ANO2: variants seen among roughly 807,000 people sequenced by gnomAD.
The protein encoded by ANO2 is anoctamin-2.
ANO2 carries 101 observed loss-of-function variants against 124.2 expected under a neutral mutation model. The observed-to-expected ratio is 0.81, with a 90% confidence interval of 0.69 to 0.96. The LOEUF is 0.96. Ranked by LOEUF, ANO2 falls within the 40% of genes least tolerant of loss-of-function variation. The probability of loss-of-function intolerance (pLI) is 0.00; values close to 1 mark genes in which losing one functional copy is unlikely to be tolerated. For synonymous variants in ANO2, 486 were observed against 482.5 expected, an observed-to-expected ratio of 1.01 and a Z score of -0.09; for missense variants, 1,293 against 1,274.5, an observed-to-expected ratio of 1.01 and a Z score of -0.22.
intron 3 of ANO2, among the ~76,000 whole-genome samples, chr12:5,879,424 A>G (rs985944403): frequency 6.6e-6 from 1 of 152,246 alleles, no homozygotes; most frequent in African/African-American, 2.4e-5. Context: ...GGAACGGTAT[A>G]GTCATAAGCA....
At chr12:5,759,346 C>T (rs1591581067) in intron 10 of ANO2, among the ~76,000 whole-genome samples, 1 of 152,064 alleles carries the variant, frequency 6.6e-6, no homozygotes, top group African/African-American at 2.4e-5. Flanking sequence ...AGATCAAAGT[C>T]ATTATATAGG....
chr12:5,644,289 C>T (rs914778097), intron 15 of ANO2, among the ~76,000 whole-genome samples: 1 of 152,224 alleles, frequency 6.6e-6, no homozygotes, highest in African/African-American at 2.4e-5. Flanking sequence ...CTTTTCCCCA[C>T]TTATATGCAG....
chr12:5,617,025 C>T (rs1286512075), intron 16 of ANO2, among the ~76,000 whole-genome samples: 1 of 151,956 alleles, frequency 6.6e-6, no homozygotes, highest in Non-Finnish European at 1.5e-5. Flanking sequence ...CTCCAATTCA[C>T]GCCATAGCAC....
At chr12:5,817,413 G>C (rs1307053348) in intron 7 of ANO2, among the ~76,000 whole-genome samples, 4 of 152,174 alleles carry the variant, frequency 2.6e-5, no homozygotes, top group Non-Finnish European at 5.9e-5. Context: ...TGTGAGACAC[G>C]CAGTGAGGTG....
At chr12:5,923,666 G>T (rs143807053) in intron 1 of ANO2, among the ~76,000 whole-genome samples, 17 of 152,288 alleles carry the variant, frequency 1.1e-4, no homozygotes, top group African/African-American at 3.4e-4. Context: ...AAAAATTCCA[G>T]TGTCTCCCCT....
chr12:5,866,554 G>A, intron 3 of ANO2, among the ~76,000 whole-genome samples: 1 of 152,262 alleles, frequency 6.6e-6, no homozygotes, highest in East Asian at 1.9e-4. Flanking sequence ...ATGTTGTGGA[G>A]GAGAGGGACC....
At position 5,658,800 on chromosome 12, in the gene ANO2, C is replaced by T. The variant is rs1285971814; in HGVS notation, c.1546-10999G>A. On this transcript the variant is annotated intron_variant, in intron 14 of 24. Transcript: ENST00000682330. The surrounding 1 kb of genome is among the most constrained non-coding windows in gnomAD (Gnocchi z 4.3). ...TCAATATTATCATTGTCATCAATAT[C>T]ATCATCATCAACATCATCATTAAAT... Among the ~76,000 whole-genome samples, 1 of 151,758 alleles carries T rather than the reference C, an allele frequency of 6.6e-6. No homozygotes were observed. Among genetic ancestry groups the T allele is most frequent in the African/African-American group, 2.4e-5 (1 of 41,108 alleles).
At chr12:5,677,627 C>T (rs913409637) in intron 14 of ANO2, among the ~76,000 whole-genome samples, 2 of 152,164 alleles carry the variant, frequency 1.3e-5, no homozygotes, top group Non-Finnish European at 2.9e-5. Flanking sequence ...CACCCACCTC[C>T]ATCCCTGACC....
chr12:5,928,450 C>T (rs200638387), intron 1 of ANO2, among the ~76,000 whole-genome samples: 2 of 57,022 alleles, frequency 3.5e-5, no homozygotes, highest in African/African-American at 8.4e-5. Flanking sequence ...TTCCTTCCTC[C>T]GTAGTCTACT....
intron 14 of ANO2, among the ~76,000 whole-genome samples, chr12:5,648,295 T>C (rs1017865008): frequency 6.6e-6 from 1 of 152,150 alleles, no homozygotes; most frequent in East Asian, 1.9e-4. Flanking sequence ...CTAAATAAAA[T>C]ACCAACCACT....
chr12:5,673,436 C>A (rs1215711469), intron 14 of ANO2, among the ~76,000 whole-genome samples: 4 of 152,232 alleles, frequency 2.6e-5, no homozygotes, highest in African/African-American at 9.6e-5. Context: ...GGTTTAAAAT[C>A]TCCCCTTGGC....
At chr12:5,665,455 A>T (rs540157696) in intron 14 of ANO2, among the ~76,000 whole-genome samples, 1 of 152,204 alleles carries the variant, frequency 6.6e-6, no homozygotes, top group African/African-American at 2.4e-5. Context: ...ATCTGTACTT[A>T]TTTCTCTAGA....
chr12:5,683,915 TC>T (rs1948602231), intron 14 of ANO2, among the ~76,000 whole-genome samples: 1 of 133,850 alleles, frequency 7.5e-6, no homozygotes, highest in Admixed American at 7.2e-5. Context: ...CTGTCTTGTC[TC>T]CCCTCCTACT....
intron 3 of ANO2, among the ~76,000 whole-genome samples, chr12:5,867,183 G>GCTA (rs1955449696): frequency 6.6e-6 from 1 of 152,192 alleles, no homozygotes; most frequent in South Asian, 2.1e-4. Flanking sequence ...GTACAAAGAA[G>GCTA]CTATAAAACC....
At position 5,822,744 on chromosome 12, in the gene ANO2, C is replaced by T. The variant is rs111266468; in HGVS notation, c.892+5025G>A. On this transcript the variant is annotated intron_variant, in intron 7 of 24. Coordinates refer to ENST00000682330, the MANE Select transcript of ANO2 (RefSeq NM_001364791.2). ...AGGGTATGGGTTTTCCTATCCTGTACGCAATGCTTCTGCCAAGACTACTGT... is the reference window on the plus strand; with the variant it reads ...AGGGTATGGGTTTTCCTATCCTGTATGCAATGCTTCTGCCAAGACTACTGT... Among the ~76,000 whole-genome samples, 822 of 152,270 alleles carry T rather than the reference C, an allele frequency of 5.4e-3. 5 individuals are homozygous for T. The highest frequency in any genetic ancestry group is 0.018 in the African/African-American group (758 of 41,538).
chr12:5,650,029 A>G (rs1946840468), intron 14 of ANO2, among the ~76,000 whole-genome samples: 1 of 152,142 alleles, frequency 6.6e-6, no homozygotes, highest in African/African-American at 2.4e-5. Context: ...GATAACACTC[A>G]ATAGGGATTC....
intron 14 of ANO2, among the ~76,000 whole-genome samples, chr12:5,720,349 A>G (rs925439532): frequency 6.6e-6 from 1 of 152,116 alleles, no homozygotes. Flanking sequence ...TTAAACCAGC[A>G]CTTTTGAGTT....
intron 10 of ANO2, among the ~76,000 whole-genome samples, chr12:5,752,156 T>C (rs1178361889): frequency 6.6e-6 from 1 of 152,206 alleles, no homozygotes; most frequent in Non-Finnish European, 1.5e-5. Flanking sequence ...CTTCTGGCAA[T>C]TGTGAATAAT....
chr12:5,890,057 T>C (rs1358219802), intron 3 of ANO2, among the ~76,000 whole-genome samples: 1 of 152,178 alleles, frequency 6.6e-6, no homozygotes, highest in Non-Finnish European at 1.5e-5. Flanking sequence ...TTTTTTTTTT[T>C]TTCTGTCCAG....
Sources: allele counts gnomAD v4.1 joint callset (sites outside exome capture counted in the v4.1 genomes callset), GRCh38; gene constraint gnomAD v4.1.1; non-coding constraint Gnocchi (gnomAD v3.1); transcripts MANE v1.5; gene names NCBI Gene and HGNC (gene_info 2026-07-23, HGNC 2026-07-21).